Variants in FRMPD4 observed in about 807,000 individuals in gnomAD.
The protein encoded by FRMPD4 is FERM and PDZ domain containing 4.
Under a neutral mutation model 94.1 loss-of-function variants are expected in FRMPD4, and 22 were observed. That is an observed-to-expected ratio of 0.23 (90% CI 0.17 to 0.33). FRMPD4 has a LOEUF of 0.33. Ranked by LOEUF, FRMPD4 falls within the 10% of genes least tolerant of loss-of-function variation. The pLI is 1.00. For missense variants in FRMPD4, 1,111 were observed against 1,339.9 expected (o/e 0.83, Z 2.67); for synonymous variants, 631 against 548.6 (o/e 1.15, Z -2.10).
At chrX:12,179,289 G>A (rs1022758058) in intron 1 of FRMPD4, among the ~76,000 whole-genome samples, 4 of 110,856 alleles carry the variant, frequency 3.6e-5, no homozygotes, top group African/African-American at 9.9e-5. Context: ...TCTATTGACC[G>A]AGCAATTCAG....
intron 1 of FRMPD4, among the ~76,000 whole-genome samples, chrX:11,842,880 T>C (rs145885030): frequency 9.2e-6 from 1 of 108,882 alleles, no homozygotes; most frequent in African/African-American, 3.4e-5. Context: ...ATATTGGCTG[T>C]GGGTTTGTCA....
intron 1 of FRMPD4, among the ~76,000 whole-genome samples, chrX:12,254,658 G>A (rs1156817610): frequency 8.9e-6 from 1 of 112,034 alleles, no homozygotes; most frequent in Non-Finnish European, 1.9e-5. Flanking sequence ...ATTGTCACAA[G>A]TGTAGAAAAG....
At chrX:12,305,058 C>G (rs2054916144) in intron 1 of FRMPD4, among the ~76,000 whole-genome samples, 1 of 112,185 alleles carries the variant, frequency 8.9e-6, no homozygotes, top group Non-Finnish European at 1.9e-5. Context: ...TAGAACTCCT[C>G]AATAGGGAAA....
intron 3 of FRMPD4, among the ~76,000 whole-genome samples, chrX:11,910,195 T>C (rs776620445): frequency 7.1e-4 from 79 of 111,811 alleles, no homozygotes; most frequent in Non-Finnish European, 1.2e-3. Context: ...AGCCAAATGA[T>C]TGTAAACAAT....
intron 1 of FRMPD4, among the ~76,000 whole-genome samples, chrX:11,861,134 G>T (rs1652737557): frequency 9.0e-6 from 1 of 111,730 alleles, no homozygotes; most frequent in African/African-American, 3.2e-5. Context: ...TGAACAAGAG[G>T]CATATGCTCT....
At chrX:12,351,046 T>C (rs889579066) in intron 1 of FRMPD4, among the ~76,000 whole-genome samples, 1 of 110,318 alleles carries the variant, frequency 9.1e-6, no homozygotes, top group African/African-American at 3.3e-5. Context: ...TGGTGGCGCG[T>C]GCCTGTAATC....
At chrX:11,899,066 A>C (rs770663076) in intron 3 of FRMPD4, among the ~76,000 whole-genome samples, 1 of 112,692 alleles carries the variant, frequency 8.9e-6, no homozygotes, top group African/African-American at 3.2e-5. Context: ...CCATCAAAGC[A>C]AATTTGAAAA....
chrX:11,979,591 T>C (rs1213417612), intron 3 of FRMPD4, among the ~76,000 whole-genome samples: 1 of 112,130 alleles, frequency 8.9e-6, no homozygotes, highest in Non-Finnish European at 1.9e-5. Flanking sequence ...TGATTTTTCA[T>C]TGTGGTTTTA....
intron 1 of FRMPD4, among the ~76,000 whole-genome samples, chrX:12,206,605 G>A (rs772023488): frequency 3.6e-5 from 4 of 112,105 alleles, no homozygotes; most frequent in Non-Finnish European, 5.6e-5. Flanking sequence ...CAGCCACCAC[G>A]CCTAGTCTTA....
At chrX:12,395,895 T>C in intron 1 of FRMPD4, 1 of 121,481 alleles carries the variant, frequency 8.2e-6, no homozygotes, top group South Asian at 2.7e-4. Flanking sequence ...ATAAATCCAG[T>C]GGCACGTCTT....
rs192754360 is a variant in FRMPD4, at chrX:12,676,606, T to G, written c.468+1698T>G. On this transcript the variant is annotated intron_variant, in intron 5 of 16. Coordinates refer to ENST00000675598, the MANE Select transcript of FRMPD4 (RefSeq NM_001368397.1). ...CAATGTGGGATACTGTTTTACCTCA[T>G]GCAGTAAACTTAGAAAAAGAAAGAA... Among the ~76,000 whole-genome samples the G allele has an allele frequency of 3.9e-3, 443 of 112,458 alleles. 2 individuals are homozygous for G. Among genetic ancestry groups the G allele is most frequent in the African/African-American group, 0.013 (391 of 30,949 alleles).
At chrX:11,953,396 C>A (rs2054236390) in intron 3 of FRMPD4, among the ~76,000 whole-genome samples, 1 of 111,794 alleles carries the variant, frequency 8.9e-6, no homozygotes, top group African/African-American at 3.3e-5. Context: ...TGTCCCTTTT[C>A]AGGAGTGGCA....
chrX:12,377,718 C>T (rs905853588), intron 1 of FRMPD4, among the ~76,000 whole-genome samples: 1 of 112,642 alleles, frequency 8.9e-6, no homozygotes, highest in Non-Finnish European at 1.9e-5. Flanking sequence ...GTGCGTGTGA[C>T]TGGGTGGATG....
chrX:12,051,470 G>T (rs1483632186), intron 3 of FRMPD4, among the ~76,000 whole-genome samples: 1 of 111,625 alleles, frequency 9.0e-6, no homozygotes, highest in Non-Finnish European at 1.9e-5. Context: ...CAGGTACAAA[G>T]TGTAAAAAAT....
rs148000245 is a variant in FRMPD4 at position 11,889,748 on chromosome X, T to G, written c.95+11730T>G. ...TGTGTAGCTACGTAAAGCTGGGAAGTCAACTGGGGCTGGAATGTCCGAGAG... is the reference window on the plus strand; with the variant it reads ...TGTGTAGCTACGTAAAGCTGGGAAGGCAACTGGGGCTGGAATGTCCGAGAG... On this transcript the variant is annotated intron_variant, in intron 3 of 18. Coordinates refer to the FRMPD4 transcript ENST00000640291. Among the ~76,000 whole-genome samples the G allele has an allele frequency of 2.2e-3, 245 of 112,189 alleles. 1 individual carries two copies. Among genetic ancestry groups the G allele is most frequent in the Non-Finnish European group, 3.3e-3 (176 of 53,268 alleles).
At chrX:12,231,010 G>GTATGTATGTATA (rs1555938195) in intron 1 of FRMPD4, among the ~76,000 whole-genome samples, 1 of 39,161 alleles carries the variant, frequency 2.6e-5, no homozygotes, top group African/African-American at 9.3e-5. Context: ...ATAATATATA[G>GTATGTATGTATA]TATATATAGT....
intron 15 of FRMPD4, among the ~76,000 whole-genome samples, 184 bp downstream of exon 15, chrX:12,717,317 T>A (rs748836919): frequency 7.2e-4 from 80 of 111,180 alleles, no homozygotes; most frequent in South Asian, 3.9e-3. Context: ...TATTTTTTTT[T>A]AAAAACATAA....
intron 1 of FRMPD4, among the ~76,000 whole-genome samples, chrX:12,354,877 AG>A (rs1234542835): frequency 1.8e-5 from 2 of 112,517 alleles, no homozygotes; most frequent in Non-Finnish European, 3.8e-5. Flanking sequence ...TCCCCACTGA[AG>A]GAACAGGGAT....
chrX:11,926,193 A>T (rs978386488), intron 3 of FRMPD4, among the ~76,000 whole-genome samples: 1 of 104,369 alleles, frequency 9.6e-6, no homozygotes, highest in Non-Finnish European at 2.0e-5. Flanking sequence ...ACCAGAAGAA[A>T]CTGAATCCCT....
Sources: allele counts gnomAD v4.1 joint callset (sites outside exome capture counted in the v4.1 genomes callset), GRCh38; gene constraint gnomAD v4.1.1; transcripts MANE v1.5; gene names NCBI Gene and HGNC (gene_info 2026-07-23, HGNC 2026-07-21).